Variants in BBX observed in about 807,000 individuals in gnomAD.
BBX encodes BBX high mobility group box domain containing.
Under a neutral mutation model 100.2 loss-of-function variants are expected in BBX, and 30 were observed. The observed-to-expected ratio is 0.30, with a 90% CI of 0.22 to 0.41. BBX has a LOEUF of 0.41. Among genes scored for constraint, BBX ranks in the 10% least tolerant of loss-of-function variants. BBX has a pLI of 1.00. For synonymous variants in BBX, 376 were observed against 388.1 expected, an observed-to-expected ratio of 0.97 and a Z score of 0.37; for missense variants, 1,023 against 1,129.8, an observed-to-expected ratio of 0.91 and a Z score of 1.35.
At chr3:107,610,190 T>C (rs1465421894) in intron 2 of BBX, among the ~76,000 whole-genome samples, 2 of 152,148 alleles carry the variant, frequency 1.3e-5, no homozygotes, top group African/African-American at 4.8e-5. Context: ...TCTTTTATTA[T>C]TGATTTCTAG....
chr3:107,658,855 T>C (rs149149000), intron 3 of BBX, among the ~76,000 whole-genome samples: 1 of 152,278 alleles, frequency 6.6e-6, no homozygotes, highest in East Asian at 1.9e-4. Flanking sequence ...TCTTGACTTG[T>C]TAAAAACAGA....
intron 2 of BBX, among the ~76,000 whole-genome samples, chr3:107,529,613 G>T (rs2048016279): frequency 6.6e-6 from 1 of 152,060 alleles, no homozygotes; most frequent in South Asian, 2.1e-4. Context: ...CTACCTCAAG[G>T]GTAGTCATCA....
chr3:107,689,123 A>C (rs1260860888), intron 3 of BBX, among the ~76,000 whole-genome samples: 1 of 152,142 alleles, frequency 6.6e-6, no homozygotes, highest in Non-Finnish European at 1.5e-5. Flanking sequence ...TTTCGCCTAA[A>C]CTTTTATTCT....
intron 1 of BBX, chr3:107,523,353 G>T (rs981317126): frequency 1.3e-5 from 2 of 155,370 alleles, no homozygotes; most frequent in Admixed American, 6.5e-5. Flanking sequence ...AAAACTTTGG[G>T]TCGGGAGAGG....
intron 3 of BBX, among the ~76,000 whole-genome samples, chr3:107,702,381 T>C (rs370425323): frequency 3.3e-5 from 5 of 152,366 alleles, no homozygotes; most frequent in African/African-American, 9.6e-5. Context: ...TTGTTTCTTT[T>C]CTCTCTCCTT....
chr3:107,771,111 C>G (rs2066873332), intron 10 of BBX, among the ~76,000 whole-genome samples: 1 of 152,158 alleles, frequency 6.6e-6, no homozygotes, highest in African/African-American at 2.4e-5. Context: ...ATGACTAAGA[C>G]TTCCTTGCTG....
At chr3:107,659,669 G>T (rs2058340400) in intron 3 of BBX, 2 of 1,187,728 alleles carry the variant, frequency 1.7e-6, no homozygotes, top group Non-Finnish European at 2.2e-6. Flanking sequence ...TGGCTGCAGG[G>T]TTTGTTCTCC....
chr3:107,591,888 C>T (rs913682336), intron 2 of BBX, among the ~76,000 whole-genome samples: 1 of 152,132 alleles, frequency 6.6e-6, no homozygotes, highest in African/African-American at 2.4e-5. Context: ...GTTCTTAGTA[C>T]AATTTCATGG....
intron 2 of BBX, among the ~76,000 whole-genome samples, chr3:107,586,865 C>G (rs2052888105): frequency 6.6e-6 from 1 of 152,038 alleles, no homozygotes; most frequent in Admixed American, 6.6e-5. Flanking sequence ...ATTCTCCTGC[C>G]TCAGCCTCTG....
rs562099553 is a variant in BBX at position 107,666,283 on chromosome 3, T to G, written c.-10+20374T>G. On this transcript the variant is annotated intron_variant, in intron 3 of 17. Coordinates refer to ENST00000325805, the MANE Select transcript of BBX (RefSeq NM_001142568.3). Reference sequence around the variant, plus strand: ...TCTTTAACAAAGGTCAGGTATAGACTCTTCCTCACCTTTATTCAGCGATAC... The same window carrying G: ...TCTTTAACAAAGGTCAGGTATAGACGCTTCCTCACCTTTATTCAGCGATAC... Among the ~76,000 whole-genome samples the G allele has an allele frequency of 1.0e-3, 156 of 152,350 alleles. 4 individuals carry two copies. In the South Asian group the frequency reaches 0.031, roughly 31 times the overall value.
At chr3:107,785,955 C>G (rs183940438) in intron 13 of BBX, among the ~76,000 whole-genome samples, 6 of 152,118 alleles carry the variant, frequency 3.9e-5, no homozygotes, top group Admixed American at 3.9e-4. Flanking sequence ...AAAACTATTA[C>G]AGCTAATAAA....
At chr3:107,586,611 A>T (rs2052858219) in intron 2 of BBX, among the ~76,000 whole-genome samples, 2 of 152,184 alleles carry the variant, frequency 1.3e-5, no homozygotes, top group African/African-American at 4.8e-5. Context: ...ATGAATGCTT[A>T]ACTGTTAAGA....
Position 107,773,661 on chromosome 3 carries a change from A to G in BBX, c.1915+25A>G. ...GGTAAGTAACTTCTACAAACCTGAA[A>G]AGAATTCAAAAACCAAACAGAATTT... On this transcript the variant is annotated intron_variant, in intron 11 of 17. Transcript: ENST00000325805. This position sits in a 1 kb window ranked among gnomAD's most constrained non-coding sequence, Gnocchi z 4.1. 6.4e-7 allele frequency: 1 copy of G among 1,563,348 alleles called. No homozygotes were observed. Among genetic ancestry groups the G allele is most frequent in the Non-Finnish European group, 8.6e-7 (1 of 1,160,036 alleles).
At chr3:107,722,350 GTC>G (rs2062603546) in intron 5 of BBX, among the ~76,000 whole-genome samples, 1 of 151,884 alleles carries the variant, frequency 6.6e-6, no homozygotes, top group African/African-American at 2.4e-5. Context: ...ACAGATCACT[GTC>G]CACCTTTTTA....
intron 12 of BBX, among the ~76,000 whole-genome samples, chr3:107,775,355 C>T (rs2067238241): frequency 6.6e-6 from 1 of 152,062 alleles, no homozygotes; most frequent in Non-Finnish European, 1.5e-5. Flanking sequence ...CTGTAGAGAA[C>T]ATTCAATATA....
At chr3:107,761,682 G>A (rs1437808808) in intron 10 of BBX, among the ~76,000 whole-genome samples, 1 of 152,168 alleles carries the variant, frequency 6.6e-6, no homozygotes, top group African/African-American at 2.4e-5. Context: ...TAGAAAAGAA[G>A]AGCTGAAAGA....
intron 2 of BBX, among the ~76,000 whole-genome samples, chr3:107,543,693 G>C (rs2049016078): frequency 1.3e-5 from 2 of 152,188 alleles, no homozygotes; most frequent in African/African-American, 4.8e-5. Flanking sequence ...GTTTATTACA[G>C]TCTGATTTTA....
intron 3 of BBX, among the ~76,000 whole-genome samples, chr3:107,667,091 C>A (rs1185563156): frequency 1.3e-5 from 2 of 152,158 alleles, no homozygotes; most frequent in Non-Finnish European, 2.9e-5. Context: ...CAGTTAATAC[C>A]ACCCTATCTC....
chr3:107,552,572 G>A (rs1368248647), intron 2 of BBX, among the ~76,000 whole-genome samples: 1 of 152,066 alleles, frequency 6.6e-6, no homozygotes, highest in Non-Finnish European at 1.5e-5. Flanking sequence ...AGACATTAGG[G>A]ACTTGGGACA....
Sources: gnomAD v4.1 joint callset for allele counts (sites outside exome capture counted in the v4.1 genomes callset) on GRCh38, gnomAD v4.1.1 for gene constraint, Gnocchi (gnomAD v3.1) non-coding constraint, MANE v1.5 for transcripts, NCBI Gene and HGNC (gene_info 2026-07-23, HGNC 2026-07-21) for gene names.